RIPOR2: variants seen among roughly 807,000 people sequenced by gnomAD.
The protein encoded by RIPOR2 is rho family-interacting cell polarization regulator 2.
RIPOR2 carries 39 observed loss-of-function variants against 114.5 expected under a neutral mutation model. The ratio of observed to expected loss-of-function variants is 0.34; its 90% CI spans 0.26 to 0.44. RIPOR2 has a LOEUF of 0.44. RIPOR2 is among the 20% of genes least tolerant of loss of function. The pLI is 1.00. For missense variants in RIPOR2, 1,007 were observed against 1,255.1 expected (o/e 0.80, Z 2.99); for synonymous variants, 445 against 484.4 (o/e 0.92, Z 1.07).
At chr6:24,890,804 G>A (rs551301147) in intron 1 of RIPOR2, among the ~76,000 whole-genome samples, 1 of 151,676 alleles carries the variant, frequency 6.6e-6, no homozygotes, top group East Asian at 1.9e-4. Context: ...ACAGGCACAT[G>A]CCACCACTCC....
chr6:24,918,198 C>T (rs1054685505), intron 1 of RIPOR2, among the ~76,000 whole-genome samples: 1 of 152,164 alleles, frequency 6.6e-6, no homozygotes. Context: ...GTATCCCCTG[C>T]ATCCCCATCC....
chr6:24,956,749 T>C (rs1773060295), intron 1 of RIPOR2, among the ~76,000 whole-genome samples: 1 of 152,256 alleles, frequency 6.6e-6, no homozygotes, highest in Non-Finnish European at 1.5e-5. Context: ...GGAACGTCTT[T>C]CCACATCAAT....
intron 8 of RIPOR2, among the ~76,000 whole-genome samples, chr6:24,855,981 C>A (rs1333029491): frequency 2.0e-5 from 3 of 152,156 alleles, no homozygotes; most frequent in Non-Finnish European, 2.9e-5. Context: ...CGGCCGTGAG[C>A]CACTGAACTC....
intron 1 of RIPOR2, among the ~76,000 whole-genome samples, chr6:25,009,219 CAGG>C (rs773677932): frequency 2.6e-5 from 4 of 152,208 alleles, no homozygotes; most frequent in Non-Finnish European, 4.4e-5. Flanking sequence ...GTGTCAAAAA[CAGG>C]AGAAGACCTG....
chr6:24,929,361 G>T (rs910824592), intron 1 of RIPOR2: 1 of 152,210 alleles, frequency 6.6e-6, no homozygotes, highest in Non-Finnish European at 1.5e-5. Context: ...GTGTGCAGAT[G>T]TTATGGAATC....
intron 1 of RIPOR2, among the ~76,000 whole-genome samples, chr6:25,013,522 G>A (rs925322735): frequency 6.6e-6 from 1 of 152,234 alleles, no homozygotes; most frequent in Non-Finnish European, 1.5e-5. Flanking sequence ...GTAGGGAGGT[G>A]AGCCCACCTT....
intron 3 of RIPOR2, among the ~76,000 whole-genome samples, chr6:24,873,410 T>C (rs1474583326): frequency 6.6e-6 from 1 of 152,222 alleles, no homozygotes; most frequent in Non-Finnish European, 1.5e-5. Flanking sequence ...CATCATTGTT[T>C]AAGTGAAACT....
intron 1 of RIPOR2, among the ~76,000 whole-genome samples, chr6:24,895,201 C>T (rs748959911): frequency 5.3e-5 from 8 of 152,098 alleles, no homozygotes; most frequent in South Asian, 2.1e-4. Flanking sequence ...TACAGGCACA[C>T]CCCACCATGC....
chr6:24,912,141 T>G (rs1769668736), intron 1 of RIPOR2, among the ~76,000 whole-genome samples: 1 of 152,176 alleles, frequency 6.6e-6, no homozygotes, highest in Non-Finnish European at 1.5e-5. Flanking sequence ...AAAATCGGCT[T>G]GATCCCCAGA....
intron 1 of RIPOR2, among the ~76,000 whole-genome samples, chr6:24,904,433 GGGGAAGGT>G (rs1428826919): frequency 6.6e-6 from 1 of 152,178 alleles, no homozygotes; most frequent in East Asian, 1.9e-4. Flanking sequence ...TGACATAGCA[GGGGAAGGT>G]TCTCTGCTTT....
intron 1 of RIPOR2, chr6:25,041,707 T>C (rs1012001734): frequency 2.4e-5 from 14 of 589,430 alleles, no homozygotes; most frequent in Middle Eastern, 5.5e-4. Flanking sequence ...CCAAAGTCCA[T>C]TGGAAAACGG....
At chr6:24,860,897 T>A (rs1435422757) in intron 8 of RIPOR2, 76 bp downstream of exon 8, 2 of 900,058 alleles carry the variant, frequency 2.2e-6, no homozygotes, top group Non-Finnish European at 3.5e-6. Context: ...AAAAATAGCA[T>A]GGGCTCTCAA....
At position 24,804,430 on chromosome 6, in the gene RIPOR2, T is replaced by C. The variant is rs1780658061; in HGVS notation, c.*1943A>G. On this transcript the variant is annotated 3_prime_UTR_variant, in exon 22 of 22. Transcript: ENST00000643898. ...GATCTGGAATTAATTACTCATGCAA[T>C]AGTCAAAATAAAAAATAAAAAAATG... 1 of 128,702 alleles carries C rather than the reference T, an allele frequency of 7.8e-6. No homozygotes were observed. Among genetic ancestry groups the C allele is most frequent in the Non-Finnish European group, 1.7e-5 (1 of 57,344 alleles). 8.0% of individuals were successfully genotyped at this position (128,702 alleles called of 1,614,324 possible).
chr6:24,872,989 A>G, intron 3 of RIPOR2, 30 bp from the exon 4 acceptor site: 1 of 1,468,554 alleles, frequency 6.8e-7, no homozygotes, highest in Non-Finnish European at 9.5e-7. Context: ...TGTAATCGTA[A>G]TCTCTGCGCC....
chr6:24,949,750 C>G (rs1772649542), intron 1 of RIPOR2, among the ~76,000 whole-genome samples: 1 of 152,352 alleles, frequency 6.6e-6, no homozygotes, highest in South Asian at 2.1e-4. Context: ...CCTCAGAGAT[C>G]TGAAGCTGGT....
chr6:25,038,290 C>T (rs955716320), intron 1 of RIPOR2, among the ~76,000 whole-genome samples: 3 of 152,188 alleles, frequency 2.0e-5, no homozygotes, highest in Non-Finnish European at 2.9e-5. Flanking sequence ...CGATTCTTGC[C>T]CCTTGGCATA....
intron 8 of RIPOR2, among the ~76,000 whole-genome samples, chr6:24,859,033 C>T (rs1242666130): frequency 2.0e-5 from 3 of 152,144 alleles, no homozygotes; most frequent in African/African-American, 7.2e-5. Flanking sequence ...CTGAACTTCC[C>T]TCATAACATG....
intron 1 of RIPOR2, among the ~76,000 whole-genome samples, chr6:25,038,951 G>C (rs1177808558): frequency 6.6e-6 from 1 of 152,258 alleles, no homozygotes; most frequent in African/African-American, 2.4e-5. Flanking sequence ...GGAGAGAGCT[G>C]TGGTTGATTA....
At chr6:24,903,795 C>A (rs1307659799) in intron 1 of RIPOR2, among the ~76,000 whole-genome samples, 2 of 152,206 alleles carry the variant, frequency 1.3e-5, no homozygotes, top group Non-Finnish European at 2.9e-5. Context: ...ATCTTAATGA[C>A]TTAACACTCG....
Sources: allele counts gnomAD v4.1 joint callset (sites outside exome capture counted in the v4.1 genomes callset), GRCh38; gene constraint gnomAD v4.1.1; transcripts MANE v1.5; gene names NCBI Gene and HGNC (gene_info 2026-07-23, HGNC 2026-07-21).